Variants in SHANK2 observed in about 807,000 individuals in gnomAD.
SHANK2 encodes SH3 and multiple ankyrin repeat domains protein 2.
A neutral mutation model predicts 133.7 loss-of-function variants in SHANK2; 43 were observed. That is an observed-to-expected ratio of 0.32 (90% CI 0.25 to 0.41). The LOEUF (loss-of-function observed/expected upper bound fraction) is 0.41. Ranked by LOEUF, SHANK2 falls within the 10% of genes least tolerant of loss-of-function variation. The pLI is 1.00. For synonymous variants in SHANK2, 1,017 were observed against 952.8 expected, an observed-to-expected ratio of 1.07 and a Z score of -1.24; for missense variants, 1,994 against 2,235.8, an observed-to-expected ratio of 0.89 and a Z score of 2.18.
intron 17 of SHANK2, among the ~76,000 whole-genome samples, chr11:70,600,336 T>C (rs1293067439): frequency 2.0e-5 from 3 of 149,266 alleles, no homozygotes; most frequent in Non-Finnish European, 4.4e-5. Flanking sequence ...TGAGAATTGC[T>C]TGAACCTGGG....
chr11:70,492,552 T>C, intron 21 of SHANK2, 87 bp from the exon 22 acceptor site: 1 of 1,553,738 alleles, frequency 6.4e-7, no homozygotes, highest in Non-Finnish European at 8.8e-7. Flanking sequence ...CAGCAGCCAC[T>C]CCAACATCCA....
At chr11:70,895,741 C>G (rs1949924115) in intron 11 of SHANK2, among the ~76,000 whole-genome samples, 1 of 152,126 alleles carries the variant, frequency 6.6e-6, no homozygotes, top group Non-Finnish European at 1.5e-5. Flanking sequence ...TCCAAATCAG[C>G]TGCAAATTAA....
At chr11:70,758,784 C>T (rs1243554628) in intron 14 of SHANK2, among the ~76,000 whole-genome samples, 1 of 152,228 alleles carries the variant, frequency 6.6e-6, no homozygotes, top group Non-Finnish European at 1.5e-5. Flanking sequence ...CCAACTTCTG[C>T]CTCCATCTTC....
At chr11:71,114,377 A>T (rs1028820456) in intron 4 of SHANK2, among the ~76,000 whole-genome samples, 4 of 152,192 alleles carry the variant, frequency 2.6e-5, no homozygotes, top group Non-Finnish European at 5.9e-5. Context: ...GGTGCGGGGC[A>T]GGTGGCGGGT....
At chr11:70,767,777 A>G (rs1388237652) in intron 14 of SHANK2, among the ~76,000 whole-genome samples, 1 of 152,054 alleles carries the variant, frequency 6.6e-6, no homozygotes, top group Non-Finnish European at 1.5e-5. Context: ...AAAAAGTGAC[A>G]ATTCACAACT....
chr11:70,534,365 G>A (rs556584646), intron 17 of SHANK2, among the ~76,000 whole-genome samples: 152 of 152,246 alleles, frequency 1.0e-3, no homozygotes, highest in Admixed American at 3.7e-3. Flanking sequence ...GAAGGTAACC[G>A]CCCCCATGAT....
chr11:71,125,488 C>A (rs547387496), intron 3 of SHANK2, among the ~76,000 whole-genome samples: 1 of 152,284 alleles, frequency 6.6e-6, no homozygotes, highest in East Asian at 1.9e-4. Context: ...TAAACCAAAG[C>A]CTCATCCAGA....
chr11:70,482,908 T>C (rs1555152074), intron 25 of SHANK2, among the ~76,000 whole-genome samples: 2 of 152,174 alleles, frequency 1.3e-5, no homozygotes, highest in Admixed American at 6.5e-5. Flanking sequence ...CCCACTCCCC[T>C]GTGGGCACCC....
intron 17 of SHANK2, among the ~76,000 whole-genome samples, chr11:70,587,465 T>C (rs1488692432): frequency 6.6e-6 from 1 of 151,726 alleles, no homozygotes; most frequent in Admixed American, 6.6e-5. Context: ...TACGCAGCCA[T>C]CAAAGGCATG....
At chr11:70,880,744 T>C (rs1212206935) in intron 11 of SHANK2, among the ~76,000 whole-genome samples, 3 of 152,220 alleles carry the variant, frequency 2.0e-5, no homozygotes, top group African/African-American at 7.2e-5. Context: ...TCTGCCCCAC[T>C]GACGCATAGA....
At chr11:70,573,677 G>A (rs1554983616) in intron 17 of SHANK2, among the ~76,000 whole-genome samples, 1 of 152,118 alleles carries the variant, frequency 6.6e-6, no homozygotes, top group African/African-American at 2.4e-5. Flanking sequence ...GAGAGAGCTG[G>A]AGTCCACATC....
chr11:71,222,309 C>A (rs1954562136), intron 2 of SHANK2, among the ~76,000 whole-genome samples: 1 of 152,178 alleles, frequency 6.6e-6, no homozygotes, highest in African/African-American at 2.4e-5. Context: ...ACAAGTTTTT[C>A]CTTCTCTCCT....
At chr11:71,076,484 AAAAAC>A (rs1453575293) in intron 8 of SHANK2, among the ~76,000 whole-genome samples, 1 of 149,492 alleles carries the variant, frequency 6.7e-6, no homozygotes, top group South Asian at 2.1e-4. Flanking sequence ...GATGAGCTAT[AAAAAC>A]AAAACAAAAC....
At chr11:71,078,731 G>A (rs1296820421) in intron 8 of SHANK2, among the ~76,000 whole-genome samples, 2 of 152,192 alleles carry the variant, frequency 1.3e-5, no homozygotes, top group African/African-American at 4.8e-5. Flanking sequence ...CCTGGCAATG[G>A]CCTGACGACT....
At chr11:70,936,853 C>T (rs534351070) in intron 10 of SHANK2, among the ~76,000 whole-genome samples, 40 of 152,320 alleles carry the variant, frequency 2.6e-4, no homozygotes, top group African/African-American at 6.3e-4. Flanking sequence ...TGAAGGGTAA[C>T]GCACACTGGT....
chr11:71,094,337 G>A (rs887707171), intron 7 of SHANK2, among the ~76,000 whole-genome samples, 200 bp downstream of exon 7: 14 of 152,048 alleles, frequency 9.2e-5, no homozygotes, highest in East Asian at 3.9e-4. Flanking sequence ...TGAAAGCATC[G>A]ACAACCAGGA....
intron 2 of SHANK2, among the ~76,000 whole-genome samples, chr11:71,154,940 A>G (rs1230085005): frequency 9.6e-5 from 6 of 62,200 alleles, no homozygotes; most frequent in African/African-American, 1.3e-4. Flanking sequence ...CCACGCTCCC[A>G]GAGGAGGGAT....
intron 3 of SHANK2, among the ~76,000 whole-genome samples, chr11:71,128,538 T>C (rs1555103149): frequency 6.6e-6 from 1 of 152,150 alleles, no homozygotes; most frequent in Admixed American, 6.5e-5. Context: ...CTTGCGATGA[T>C]GTACACACCG....
rs540112148 is a variant in SHANK2 at position 70,949,026 on chromosome 11, C to T, written c.1108-52459G>A. 5.3e-5 allele frequency among the ~76,000 whole-genome samples: 8 copies of T among 152,322 alleles called. No individual in the cohort carries two copies. In the East Asian group the frequency reaches 1.5e-3, roughly 29 times the overall value. On this transcript the variant is annotated intron_variant, in intron 10 of 25. Transcript: ENST00000601538. Reference sequence around the variant, plus strand: ...TGGGCCCCGGGCCCAGACTCACTGCCTGCCCTGCAGGAGGTTGACTGATCA... The same window carrying T: ...TGGGCCCCGGGCCCAGACTCACTGCTTGCCCTGCAGGAGGTTGACTGATCA...
Sources: allele counts gnomAD v4.1 joint callset (sites outside exome capture counted in the v4.1 genomes callset), GRCh38; gene constraint gnomAD v4.1.1; transcripts MANE v1.5; gene names NCBI Gene and HGNC (gene_info 2026-07-23, HGNC 2026-07-21).